LIN28B: variants seen among roughly 807,000 people sequenced by gnomAD.
LIN28B encodes protein lin-28 homolog B.
LIN28B carries 5 observed loss-of-function variants against 21.9 expected under a neutral mutation model. The observed-to-expected ratio is 0.23, with a 90% CI of 0.12 to 0.48. The LOEUF is 0.48. LIN28B is among the 20% of genes least tolerant of loss of function. The pLI, the probability that LIN28B is intolerant of heterozygous loss-of-function variation, is 0.98. For synonymous variants in LIN28B, 109 were observed against 111.3 expected, an observed-to-expected ratio of 0.98 and a Z score of 0.13; for missense variants, 245 against 310.5, an observed-to-expected ratio of 0.79 and a Z score of 1.58.
At chr6:104,992,832 CTT>C (rs1366980820) in intron 2 of LIN28B, among the ~76,000 whole-genome samples, 1 of 151,890 alleles carries the variant, frequency 6.6e-6, no homozygotes, top group African/African-American at 2.4e-5. Context: ...TTTTACTACT[CTT>C]TCTTCTCTAT....
intron 2 of LIN28B, among the ~76,000 whole-genome samples, chr6:104,997,052 C>T (rs1303717835): frequency 5.9e-5 from 9 of 151,954 alleles, no homozygotes; most frequent in East Asian, 1.9e-4. Context: ...GAGGCCAAGG[C>T]GGGTGGATCA....
intron 3 of LIN28B, among the ~76,000 whole-genome samples, chr6:105,032,518 A>G (rs974620636): frequency 5.3e-5 from 8 of 152,058 alleles, no homozygotes; most frequent in Non-Finnish European, 1.0e-4. Context: ...TGAGCCCAGA[A>G]GTTTGAACCT....
chr6:105,047,492 G>T (rs1194044456), intron 3 of LIN28B, among the ~76,000 whole-genome samples: 7 of 152,106 alleles, frequency 4.6e-5, no homozygotes, highest in African/African-American at 1.4e-4. Context: ...GGTTATCTTG[G>T]CAATGAGGGC....
At chr6:104,980,133 C>A (rs972035014) in intron 2 of LIN28B, among the ~76,000 whole-genome samples, 2 of 152,128 alleles carry the variant, frequency 1.3e-5, no homozygotes, top group African/African-American at 4.8e-5. Context: ...ACTTAGAGAT[C>A]AGTTTCACTC....
At chr6:104,950,153 G>A (rs977145649) in intron 2 of LIN28B, among the ~76,000 whole-genome samples, 2 of 152,120 alleles carry the variant, frequency 1.3e-5, no homozygotes, top group African/African-American at 4.8e-5. Flanking sequence ...AAATTACAGT[G>A]TAAAATTAAA....
chr6:104,978,314 T>C (rs1300934127), intron 2 of LIN28B, among the ~76,000 whole-genome samples: 1 of 152,228 alleles, frequency 6.6e-6, no homozygotes, highest in South Asian at 2.1e-4. Flanking sequence ...ACTGGATGTT[T>C]AATAAATATT....
chr6:104,990,792 T>A (rs1164625699), intron 2 of LIN28B, among the ~76,000 whole-genome samples: 1 of 152,174 alleles, frequency 6.6e-6, no homozygotes, highest in Non-Finnish European at 1.5e-5. Context: ...TTCAAGCATC[T>A]GTTTAACAAA....
intron 3 of LIN28B, among the ~76,000 whole-genome samples, chr6:105,032,420 T>C (rs1333002277): frequency 6.6e-6 from 1 of 152,206 alleles, no homozygotes; most frequent in Non-Finnish European, 1.5e-5. Flanking sequence ...CAGCATTTGG[T>C]ATTGCCAATT....
At chr6:104,999,099 A>G (rs1770669771) in intron 2 of LIN28B, among the ~76,000 whole-genome samples, 1 of 152,212 alleles carries the variant, frequency 6.6e-6, no homozygotes, top group African/African-American at 2.4e-5. Context: ...TAGAAATTAA[A>G]GAACTGAAAT....
chr6:104,991,925 A>G (rs1393875101), intron 2 of LIN28B, among the ~76,000 whole-genome samples: 2 of 147,270 alleles, frequency 1.4e-5, no homozygotes, highest in Non-Finnish European at 3.0e-5. Flanking sequence ...CAGGAGAATC[A>G]GGCAGGGAGG....
At chr6:104,941,439 G>A (rs973686625) in intron 2 of LIN28B, 1 of 147,298 alleles carries the variant, frequency 6.8e-6, no homozygotes, top group Non-Finnish European at 1.5e-5. Context: ...AGCCGGCTTG[G>A]AGCGGGAGGG....
At chr6:105,034,412 T>G (rs1233520432) in intron 3 of LIN28B, among the ~76,000 whole-genome samples, 1 of 152,008 alleles carries the variant, frequency 6.6e-6, no homozygotes. Flanking sequence ...CTACATGAGT[T>G]AAAGTGGTAA....
intron 2 of LIN28B, among the ~76,000 whole-genome samples, chr6:104,979,127 G>A (rs1770165608): frequency 6.6e-6 from 1 of 151,880 alleles, no homozygotes; most frequent in African/African-American, 2.4e-5. Context: ...ATATTGTATT[G>A]TTCTGATTAT....
chr6:104,989,307 C>T (rs974473795), intron 2 of LIN28B, among the ~76,000 whole-genome samples: 10 of 152,270 alleles, frequency 6.6e-5, no homozygotes, highest in African/African-American at 1.7e-4. Flanking sequence ...GCAACCTCCA[C>T]CTCTTGGTTG....
intron 2 of LIN28B, among the ~76,000 whole-genome samples, chr6:105,024,672 A>C (rs1281625972): frequency 6.6e-6 from 1 of 152,176 alleles, no homozygotes; most frequent in Non-Finnish European, 1.5e-5. Context: ...ATGCCAGGTG[A>C]CCTGCACTAG....
chr6:105,046,713 C>T (rs572628515), intron 3 of LIN28B, among the ~76,000 whole-genome samples: 1 of 152,268 alleles, frequency 6.6e-6, no homozygotes, highest in African/African-American at 2.4e-5. Flanking sequence ...ACCATTCTAA[C>T]TGGTGTGAGA....
intron 2 of LIN28B, among the ~76,000 whole-genome samples, chr6:104,960,962 C>T (rs1418211993): frequency 6.6e-6 from 1 of 152,210 alleles, no homozygotes; most frequent in East Asian, 1.9e-4. Flanking sequence ...TGCCTAGGTG[C>T]TGTACTTTGT....
chr6:105,077,880 A>T (rs547041172), intron 3 of LIN28B, among the ~76,000 whole-genome samples: 19 of 152,270 alleles, frequency 1.2e-4, no homozygotes, highest in East Asian at 3.9e-4. Flanking sequence ...AAGGAAAAAA[A>T]TTTTTCCAGT....
upstream of LIN28B, among the ~76,000 whole-genome samples, chr6:104,954,918 CTG>C (rs562436394): frequency 2.1e-3 from 314 of 152,314 alleles, no homozygotes; most frequent in African/African-American, 7.2e-3. Flanking sequence ...AATGATTAAA[CTG>C]TTTTCTAATT....
Sources: allele counts gnomAD v4.1 joint callset (sites outside exome capture counted in the v4.1 genomes callset), GRCh38; gene constraint gnomAD v4.1.1; transcripts MANE v1.5; gene names NCBI Gene and HGNC (gene_info 2026-07-23, HGNC 2026-07-21).